Variants in A2ML1 observed in about 807,000 individuals in gnomAD.
The protein encoded by A2ML1 is alpha-2-macroglobulin like 1.
A neutral mutation model predicts 181.9 loss-of-function variants in A2ML1; 161 were observed. The ratio of observed to expected loss-of-function variants is 0.89; its 90% CI spans 0.78 to 1.01. The LOEUF is 1.01. Ranked by LOEUF, A2ML1 falls within the 50% of genes least tolerant of loss-of-function variation. A2ML1 has a pLI of 0.00. For missense variants in A2ML1, 1,670 were observed against 1,768.1 expected, an observed-to-expected ratio of 0.94 and a Z score of 1.00; for synonymous variants, 663 against 666.8, an observed-to-expected ratio of 0.99 and a Z score of 0.09.
intron 4 of A2ML1, among the ~76,000 whole-genome samples, chr12:8,831,283 C>T (rs965604794): frequency 2.0e-5 from 3 of 152,132 alleles, no homozygotes; most frequent in African/African-American, 7.2e-5. Flanking sequence ...ACTGTTTTCT[C>T]TAGAGCTGCA....
At chr12:8,844,901 T>G in intron 12 of A2ML1, 2 of 988,290 alleles carry the variant, frequency 2.0e-6, no homozygotes, top group Non-Finnish European at 2.6e-6. Context: ...TGCAGGAGCG[T>G]GGGATGAGAG....
Position 8,863,856 on chromosome 12 carries a change from C to G in A2ML1, c.3565C>G (p.Pro1189Ala). The G allele has an allele frequency of 6.2e-7, 1 of 1,614,232 alleles. No homozygotes were observed. The highest frequency in any genetic ancestry group is 8.5e-7 in the Non-Finnish European group (1 of 1,180,026). The change falls in exon 29 of 36, where the codon CCT (proline) becomes GCT (alanine). Residue 1189 changes from proline (P) to alanine (A), a missense_variant. Pro to Ala is a conservative substitution (Grantham distance 27). Coordinates refer to ENST00000299698, the MANE Select transcript of A2ML1 (RefSeq NM_144670.6). ...ATCGAACGCCAGCCCTTGGTCTGAG[C>G]CTGCGGCTGTAGATGTGGAACTCAC... ...PSSNASPWSEPAAVDVELTAY... is the reference protein window; with the variant it reads ...PSSNASPWSEAAAVDVELTAY...
intron 34 of A2ML1, 86 bp downstream of exon 34, chr12:8,874,613 T>A: frequency 9.6e-7 from 1 of 1,036,278 alleles, no homozygotes; most frequent in Non-Finnish European, 1.5e-6. Flanking sequence ...GCTTCTCTCT[T>A]AATTTTACAA....
chr12:8,839,250 C>A, intron 10 of A2ML1, 28 bp downstream of exon 10: 2 of 1,521,444 alleles, frequency 1.3e-6, no homozygotes, highest in South Asian at 1.1e-5. Context: ...TCTGCATAGA[C>A]AAAAAAATGC....
intron 4 of A2ML1, among the ~76,000 whole-genome samples, chr12:8,832,916 C>T (rs937560096): frequency 6.6e-6 from 1 of 151,580 alleles, no homozygotes; most frequent in African/African-American, 2.4e-5. Context: ...CCCTGTCTAA[C>T]TTGATTGCTA....
chr12:8,830,345 C>T (rs942654511), intron 4 of A2ML1, among the ~76,000 whole-genome samples: 1 of 152,166 alleles, frequency 6.6e-6, no homozygotes, highest in Non-Finnish European at 1.5e-5. Context: ...AGCCACCATG[C>T]TCAGCCCCCT....
intron 3 of A2ML1, among the ~76,000 whole-genome samples, chr12:8,828,113 C>G (rs1592100993): frequency 6.6e-6 from 1 of 152,174 alleles, no homozygotes; most frequent in Non-Finnish European, 1.5e-5. Context: ...CTGGCTACTG[C>G]CCATGTTTGC....
chr12:8,885,440 G>A (rs1944912749), intron 7 of A2ML1, among the ~76,000 whole-genome samples: 1 of 151,452 alleles, frequency 6.6e-6, no homozygotes, highest in African/African-American at 2.4e-5. Context: ...TCAAATAAAA[G>A]CTTTTTATTT....
chr12:8,829,313 T>C (rs960794872), intron 3 of A2ML1, among the ~76,000 whole-genome samples: 1 of 152,084 alleles, frequency 6.6e-6, no homozygotes, highest in African/African-American at 2.4e-5. Context: ...GTAAAACCTG[T>C]TGGGGTTTTG....
Position 8,852,446 on chromosome 12 carries a change from C to A in A2ML1, c.2590+110C>A. The stretch of plus-strand genomic sequence containing the variant: ...TCTGCTTTGCTTCCTCCTCCATTTT[C>A]CACTATTTTTCTCCCTCCTAAGGCT... On this transcript the variant is annotated intron_variant, in intron 20 of 35. Coordinates refer to ENST00000299698, the MANE Select transcript of A2ML1 (RefSeq NM_144670.6). This position sits in a 1 kb window ranked among gnomAD's most constrained non-coding sequence, Gnocchi z 4.2. 2 of 1,502,216 alleles carry A rather than the reference C, an allele frequency of 1.3e-6. No homozygotes were observed. The highest frequency in any genetic ancestry group is 1.8e-6 in the Non-Finnish European group (2 of 1,105,656). 93.1% of individuals were successfully genotyped at this position (1,502,216 alleles called of 1,614,324 possible).
intron 35 of A2ML1, 148 bp from the exon 36 acceptor site, chr12:8,875,910 C>A (rs1238092737): frequency 2.0e-5 from 3 of 152,152 alleles, no homozygotes; most frequent in African/African-American, 7.2e-5. Flanking sequence ...TGATTCTACA[C>A]CTGTGAGATA....
rs774193291 is a variant in A2ML1, at chr12:8,847,654, A to T, written c.1789A>T (p.Ser597Cys). The change falls in exon 15 of 36, where the codon AGT (serine) becomes TGT (cysteine). Residue 597 changes from serine to cysteine, a missense_variant. By Grantham distance (112) the Ser-to-Cys change is moderately radical. Coordinates refer to ENST00000299698, the MANE Select transcript of A2ML1 (RefSeq NM_144670.6). The part of the protein sequence containing the change: ...SLCALRAVDE[S>C]VLLLRPDREL... ...GTGTGCGCTCCGGGCGGTGGATGAG[A>T]GTGTCTTACTGCTTAGGCCAGACAG... 1.2e-6 allele frequency: 2 copies of T among 1,613,738 alleles called. No individual in the cohort carries two copies. Among genetic ancestry groups the T allele is most frequent in the Admixed American group, 3.3e-5 (2 of 59,980 alleles).
downstream of A2ML1, among the ~76,000 whole-genome samples, chr12:8,880,341 C>G (rs114016609): frequency 2.0e-4 from 30 of 152,034 alleles, no homozygotes; most frequent in African/African-American, 6.0e-4. Context: ...ACTCCAGGAG[C>G]CTGGGCAACA....
At chr12:8,829,882 G>A in intron 4 of A2ML1, 103 bp downstream of exon 4, 4 of 1,460,618 alleles carry the variant, frequency 2.7e-6, no homozygotes, top group East Asian at 4.6e-5. Context: ...GCAAGGCGAG[G>A]CCCTCTGGGT....
At position 8,837,427 on chromosome 12, in the gene A2ML1, T is replaced by C; in HGVS notation, c.729-13T>C. 1 of 1,613,212 alleles carries C rather than the reference T, an allele frequency of 6.2e-7. No individual in the cohort carries two copies. Among genetic ancestry groups the C allele is most frequent in the East Asian group, 2.2e-5 (1 of 44,832 alleles). ...ATTTCCCAACTCTGACTCCTTATGC[T>C]TTTCTTGGTTAGGTACACCTATGGA... On this transcript the variant is annotated splice_polypyrimidine_tract_variant and intron_variant, in intron 7 of 35. Coordinates refer to ENST00000299698, the MANE Select transcript of A2ML1 (RefSeq NM_144670.6).
chr12:8,848,232 G>A (rs1259301206), intron 15 of A2ML1, among the ~76,000 whole-genome samples: 1 of 151,814 alleles, frequency 6.6e-6, no homozygotes, highest in Non-Finnish European at 1.5e-5. Flanking sequence ...TGTAATCCCA[G>A]AACTTTAGGA....
chr12:8,884,236 T>G (rs1341546509), intron 7 of A2ML1, among the ~76,000 whole-genome samples: 76 of 143,824 alleles, frequency 5.3e-4, no homozygotes, highest in African/African-American at 1.3e-3. Flanking sequence ...TTTTTGTTTT[T>G]TTTTGTTTTG....
chr12:8,864,919 C>G lies in A2ML1; in HGVS notation c.3717+911C>G, dbSNP rs748251590. On this transcript the variant is annotated intron_variant, in intron 29 of 35. Transcript: ENST00000299698. ...GTGACTCACGCCTATAATCCCAGCACTTTGGCAGCCTGAGGCGGTTGGATC... is the reference window on the plus strand; with the variant it reads ...GTGACTCACGCCTATAATCCCAGCAGTTTGGCAGCCTGAGGCGGTTGGATC... Among the ~76,000 whole-genome samples the G allele has an allele frequency of 6.2e-3, 95 of 15,328 alleles. 45 individuals carry two copies. The highest frequency in any genetic ancestry group is 0.059 in the Admixed American group (42 of 710). The allele number at this position is 15,328 out of a possible 152,430, so 10.1% of individuals were successfully genotyped here.
At chr12:8,863,176 A>T (rs2136940229) in intron 28 of A2ML1, among the ~76,000 whole-genome samples, 1 of 150,902 alleles carries the variant, frequency 6.6e-6, no homozygotes, top group South Asian at 2.1e-4. Flanking sequence ...GCGTGATCTC[A>T]GTTCACCGCA....
Sources: allele counts gnomAD v4.1 joint callset (sites outside exome capture counted in the v4.1 genomes callset), GRCh38; gene constraint gnomAD v4.1.1; non-coding constraint Gnocchi (gnomAD v3.1); transcripts MANE v1.5; gene names NCBI Gene and HGNC (gene_info 2026-07-23, HGNC 2026-07-21).